C9orf43: variants seen among roughly 807,000 people sequenced by gnomAD.
The protein encoded by C9orf43 is uncharacterized protein C9orf43.
C9orf43 carries 45 observed loss-of-function variants against 59.1 expected under a neutral mutation model. The observed-to-expected ratio is 0.76, with a 90% CI of 0.60 to 0.98. The LOEUF is 0.98. Among genes scored for constraint, C9orf43 ranks in the 50% least tolerant of loss-of-function variants. C9orf43 has a pLI of 0.00. For missense variants in C9orf43, 533 were observed against 554.9 expected, an observed-to-expected ratio of 0.96 and a Z score of 0.40; for synonymous variants, 203 against 196.8, an observed-to-expected ratio of 1.03 and a Z score of -0.26.
chr9:113,418,226 C>G (rs1221275793), intron 3 of C9orf43, among the ~76,000 whole-genome samples: 1 of 152,184 alleles, frequency 6.6e-6, no homozygotes, highest in East Asian at 1.9e-4. Context: ...ACTCCCCATT[C>G]CCTCCTCTTC....
At chr9:113,412,245 G>A (rs1828193953) in intron 1 of C9orf43, among the ~76,000 whole-genome samples, 1 of 152,174 alleles carries the variant, frequency 6.6e-6, no homozygotes, top group Non-Finnish European at 1.5e-5. Context: ...TGGGCTCAGT[G>A]TTGTCAAGTA....
At position 113,423,612 on chromosome 9, in the gene C9orf43, G is replaced by A. The variant is rs563457296; in HGVS notation, c.656+114G>A. The A allele has an allele frequency of 2.3e-5, 23 of 1,002,222 alleles. No homozygotes were observed. In the East Asian group the frequency reaches 3.2e-4, roughly 14 times the overall value. 62.1% of individuals were successfully genotyped at this position (1,002,222 alleles called of 1,614,324 possible). A position where few individuals can be genotyped will look rare whatever the true frequency, so the allele number is the denominator to read the frequency against. ...AGGACTGGGAGAAAACTATCACCCC[G>A]ATTTGTTTACTGAACTCTTGGACTT... On this transcript the variant is annotated intron_variant, in intron 7 of 13. Transcript: ENST00000374165.
intron 7 of C9orf43, 59 bp from the exon 8 acceptor site, chr9:113,424,107 A>T: frequency 6.5e-7 from 1 of 1,527,428 alleles, no homozygotes; most frequent in South Asian, 1.3e-5. Context: ...CTTTCTCCTC[A>T]GCCATGCTTT....
At chr9:113,424,068 G>T in intron 7 of C9orf43, 98 bp from the exon 8 acceptor site, 3 of 1,431,862 alleles carry the variant, frequency 2.1e-6, no homozygotes, top group Non-Finnish European at 2.8e-6. Context: ...CAGACCCAAA[G>T]TGGAAATTTC....
chr9:113,416,916 C>T (rs1828380994), intron 3 of C9orf43, among the ~76,000 whole-genome samples: 4 of 152,186 alleles, frequency 2.6e-5, no homozygotes, highest in African/African-American at 9.7e-5. Flanking sequence ...CTAGATCCTT[C>T]CATCTAATTC....
rs1406464695 is a variant in C9orf43 at position 113,425,439 on chromosome 9, G to A, written c.942+19G>A. The A allele has an allele frequency of 6.2e-7, 1 of 1,607,268 alleles. No homozygotes were observed. ...GAAACAGGTAGAGTGGCAGTGAGGG[G>A]CTTGCTGGGACTGGGAGAGGTCTAC... is the stretch of plus-strand genomic sequence containing the variant. On this transcript the variant is annotated intron_variant, in intron 10 of 13. Transcript: ENST00000374165.
chr9:113,416,407 T>C (rs774713311), intron 3 of C9orf43, among the ~76,000 whole-genome samples: 1 of 152,222 alleles, frequency 6.6e-6, no homozygotes, highest in Non-Finnish European at 1.5e-5. Context: ...TTCCTCTGTG[T>C]GAGACTGGTT....
At position 113,425,750 on chromosome 9, in the gene C9orf43, G is replaced by T. The variant is rs917030361; in HGVS notation, c.1030+20G>T. Reference sequence around the variant, plus strand: ...TCTATGGTAAGGGGAATATATGCTTGGTTGGGGGTGATAGGATCCCTGAGG... The same window carrying T: ...TCTATGGTAAGGGGAATATATGCTTTGTTGGGGGTGATAGGATCCCTGAGG... On this transcript the variant is annotated intron_variant, in intron 11 of 13. Transcript: ENST00000374165. The T allele has an allele frequency of 8.8e-6, 14 of 1,590,626 alleles. No homozygotes were observed. In the African/African-American group the frequency reaches 1.9e-4, roughly 21 times the overall value.
rs41313331 is a variant in C9orf43, at chr9:113,424,264, A to G, written c.755A>G (p.Asp252Gly). ...KNLPLEKNRP[D>G]SVISSKMFLS... ...CTTCCCTTGGAAAAGAACCGACCTG[A>G]CAGTGTGATTTCTTCTAAGATGTTT... Residue 252 changes from aspartate (D) to glycine (G), a missense_variant, in exon 8 of 14, where the codon GAC becomes GGC. Transcript: ENST00000374165. The G allele has an allele frequency of 0.088, 142,749 of 1,613,554 alleles. 7,170 individuals carry two copies. The highest frequency in any genetic ancestry group is 0.096 in the Non-Finnish European group (113,578 of 1,179,678).
At chr9:113,425,824 A>G in intron 11 of C9orf43, 94 bp downstream of exon 11, 1 of 1,006,000 alleles carries the variant, frequency 9.9e-7, no homozygotes, top group East Asian at 2.4e-5. Flanking sequence ...TGTCATTTTG[A>G]GACCTGCCTT....
rs759218719 is a variant in C9orf43 at position 113,424,159 on chromosome 9, C to A, written c.657-7C>A. ...CTGACTGTCTGGCTGTCCTCTGTCCCCTTCAGACTTTTGCCAGGTGGAAAG... is the reference window on the plus strand; with the variant it reads ...CTGACTGTCTGGCTGTCCTCTGTCCACTTCAGACTTTTGCCAGGTGGAAAG... On this transcript the variant is annotated splice_polypyrimidine_tract_variant and splice_region_variant and intron_variant, in intron 7 of 13. Transcript: ENST00000374165. 5.0e-5 allele frequency: 80 copies of A among 1,602,024 alleles called. No homozygotes were observed. Among genetic ancestry groups the A allele is most frequent in the Non-Finnish European group, 6.3e-5 (74 of 1,174,864 alleles).
intron 3 of C9orf43, among the ~76,000 whole-genome samples, chr9:113,414,618 G>C (rs1181643794): frequency 6.6e-6 from 1 of 151,990 alleles, no homozygotes; most frequent in Non-Finnish European, 1.5e-5. Context: ...TCTTCCCTCT[G>C]TGCGTCTGTG....
At chr9:113,418,846 T>C (rs1828470847) in intron 3 of C9orf43, among the ~76,000 whole-genome samples, 1 of 152,234 alleles carries the variant, frequency 6.6e-6, no homozygotes, top group African/African-American at 2.4e-5. Flanking sequence ...TAACTGTCTC[T>C]AGCTGGAGAG....
intron 4 of C9orf43, among the ~76,000 whole-genome samples, chr9:113,419,604 C>T (rs1310625768): frequency 5.3e-5 from 8 of 151,960 alleles, no homozygotes; most frequent in Middle Eastern, 3.2e-3. Flanking sequence ...ATGGAACAAT[C>T]CTTACCCTAA....
In C9orf43 at chr9:113,410,899, T is replaced by A; in HGVS notation, c.-152T>A. 1.0e-6 allele frequency: 1 copy of A among 976,804 alleles called. No individual in the cohort carries two copies. Among genetic ancestry groups the A allele is most frequent in the Non-Finnish European group, 1.2e-6 (1 of 821,476 alleles). 60.5% of individuals were successfully genotyped at this position (976,804 alleles called of 1,614,324 possible). ...GCCCGTCGTGATCAGATTCTCCCAC[T>A]TTCTTTTTTCTTTCCTGGAATGGAG... On this transcript the variant is annotated 5_prime_UTR_variant, in exon 1 of 14. Coordinates refer to ENST00000374165, the MANE Select transcript of C9orf43 (RefSeq NM_001278629.2).
intron 8 of C9orf43, 137 bp from the exon 9 acceptor site, chr9:113,424,882 C>A: frequency 1.4e-6 from 1 of 694,420 alleles, no homozygotes; most frequent in African/African-American, 1.8e-5. Flanking sequence ...CCTCCGTAGC[C>A]CCTGGTACAA....
At chr9:113,423,612 G>T (rs563457296) in intron 7 of C9orf43, 114 bp downstream of exon 7, 7 of 1,002,106 alleles carry the variant, frequency 7.0e-6, no homozygotes, top group Non-Finnish European at 1.0e-5. Context: ...CTATCACCCC[G>T]ATTTGTTTAC....
chr9:113,429,103 T>C, intron 13 of C9orf43, 69 bp from the exon 14 acceptor site: 2 of 1,561,878 alleles, frequency 1.3e-6, no homozygotes, highest in South Asian at 2.2e-5. Context: ...CATTTTTCCT[T>C]TTCTGTCCTC....
At chr9:113,411,057 A>T (rs1828119109) in intron 1 of C9orf43, 56 bp downstream of exon 1, 1 of 985,416 alleles carries the variant, frequency 1.0e-6, no homozygotes, top group East Asian at 1.1e-4. Flanking sequence ...TTTAACGCGA[A>T]CTATTTAGGC....
Sources: allele counts gnomAD v4.1 joint callset (sites outside exome capture counted in the v4.1 genomes callset), GRCh38; gene constraint gnomAD v4.1.1; transcripts MANE v1.5; gene names NCBI Gene and HGNC (gene_info 2026-07-23, HGNC 2026-07-21).